The following FRMD5 variants were observed in gnomAD, a reference collection of about 807,000 sequenced individuals.
The protein encoded by FRMD5 is FERM domain containing 5.
Under a neutral mutation model 69.0 loss-of-function variants are expected in FRMD5, and 20 were observed. The ratio of observed to expected loss-of-function variants is 0.29; its 90% CI spans 0.20 to 0.42. The LOEUF (loss-of-function observed/expected upper bound fraction) is 0.42. FRMD5 is among the 10% of genes least tolerant of loss of function. FRMD5 has a pLI of 1.00. For missense variants in FRMD5, 595 were observed against 708.6 expected, an observed-to-expected ratio of 0.84 and a Z score of 1.82; for synonymous variants, 271 against 260.1, an observed-to-expected ratio of 1.04 and a Z score of -0.40.
chr15:44,040,443 C>T (rs1360183001), intron 1 of FRMD5, among the ~76,000 whole-genome samples: 1 of 152,164 alleles, frequency 6.6e-6, no homozygotes, highest in Non-Finnish European at 1.5e-5. Flanking sequence ...CAAATGGAAA[C>T]CCATCAGACT....
At chr15:43,899,437 A>G (rs1344344700) in intron 7 of FRMD5, among the ~76,000 whole-genome samples, 1 of 152,174 alleles carries the variant, frequency 6.6e-6, no homozygotes, top group Non-Finnish European at 1.5e-5. Context: ...CATAGGGTAC[A>G]TAACAACGGG....
intron 1 of FRMD5, among the ~76,000 whole-genome samples, chr15:44,187,785 A>G (rs1479702918): frequency 1.3e-5 from 2 of 152,000 alleles, no homozygotes; most frequent in Admixed American, 1.3e-4. Context: ...CCCAGGATAG[A>G]CTCAAACTCC....
chr15:44,169,787 T>C (rs2077769396), intron 1 of FRMD5, among the ~76,000 whole-genome samples: 1 of 152,176 alleles, frequency 6.6e-6, no homozygotes, highest in Admixed American at 6.5e-5. Flanking sequence ...TTAGACTACC[T>C]GAATATACTT....
At chr15:44,076,957 AT>A (rs1893797630) in intron 1 of FRMD5, among the ~76,000 whole-genome samples, 1 of 151,964 alleles carries the variant, frequency 6.6e-6, no homozygotes, top group Admixed American at 6.6e-5. Context: ...ATTCTCAGAA[AT>A]GCCAGATTCA....
chr15:43,925,595 C>G lies in FRMD5; in HGVS notation c.103-1286G>C, dbSNP rs898310774. Among the ~76,000 whole-genome samples the G allele has an allele frequency of 2.6e-5, 4 of 152,168 alleles. No individual in the cohort carries two copies. In the South Asian group the frequency reaches 6.2e-4, roughly 24 times the overall value. On this transcript the variant is annotated intron_variant, in intron 1 of 13. Coordinates refer to ENST00000417257, the MANE Select transcript of FRMD5 (RefSeq NM_032892.5). ...TGAACATACAATGATCTTTATGTTA[C>G]TCACTTCTCTTAATTCTTGTTGCTC...
At chr15:43,874,570 A>G in intron 13 of FRMD5, 108 bp from the exon 14 acceptor site, 1 of 750,162 alleles carries the variant, frequency 1.3e-6, no homozygotes, top group South Asian at 1.6e-5. Context: ...CCACATGACC[A>G]GCAGCAGTAG....
chr15:43,934,247 G>A (rs2089723013), intron 1 of FRMD5, among the ~76,000 whole-genome samples: 1 of 152,196 alleles, frequency 6.6e-6, no homozygotes, highest in Admixed American at 6.5e-5. Context: ...AGGGAGTTTG[G>A]GGCAGGAGGG....
chr15:44,098,225 C>G (rs904895867), intron 1 of FRMD5, among the ~76,000 whole-genome samples: 15 of 151,906 alleles, frequency 9.9e-5, no homozygotes, highest in African/African-American at 3.6e-4. Context: ...GAAGCATACT[C>G]TCTACTAAAA....
intron 1 of FRMD5, among the ~76,000 whole-genome samples, chr15:44,048,778 G>T (rs1892536519): frequency 6.6e-6 from 1 of 151,990 alleles, no homozygotes; most frequent in African/African-American, 2.4e-5. Context: ...TCGTCATGTT[G>T]GCCAGGCTGG....
At chr15:44,060,052 C>T (rs1268055663) in intron 1 of FRMD5, among the ~76,000 whole-genome samples, 2 of 152,042 alleles carry the variant, frequency 1.3e-5, no homozygotes, top group African/African-American at 2.4e-5. Context: ...AAGGAGAAGA[C>T]AAGAAGGTAA....
chr15:44,037,191 T>C (rs1258931344), intron 1 of FRMD5, among the ~76,000 whole-genome samples: 1 of 152,122 alleles, frequency 6.6e-6, no homozygotes, highest in African/African-American at 2.4e-5. Context: ...CCTGTATTCA[T>C]GTGTTCTCAT....
intron 5 of FRMD5, among the ~76,000 whole-genome samples, chr15:43,906,653 G>C (rs376647556): frequency 6.6e-6 from 1 of 151,858 alleles, no homozygotes; most frequent in African/African-American, 2.4e-5. Context: ...CCAGGCTGGA[G>C]TGCAGTGGTG....
At chr15:44,136,724 T>C (rs78800873) in intron 1 of FRMD5, among the ~76,000 whole-genome samples, 2,244 of 152,320 alleles carry the variant, frequency 0.015, 52 homozygotes, top group African/African-American at 0.051. Context: ...CATGCCATTA[T>C]ATTTCAGTTT....
At chr15:44,091,350 G>A (rs1251640311) in intron 1 of FRMD5, among the ~76,000 whole-genome samples, 4 of 151,516 alleles carry the variant, frequency 2.6e-5, no homozygotes, top group African/African-American at 7.3e-5. Flanking sequence ...AGATATATAT[G>A]CACACACACA....
intron 10 of FRMD5, among the ~76,000 whole-genome samples, chr15:43,886,823 C>G (rs1741766859): frequency 2.0e-5 from 3 of 152,226 alleles, no homozygotes; most frequent in Admixed American, 2.0e-4. Context: ...ACACTGAGGG[C>G]AAGGCCAAAG....
chr15:44,139,298 TACACACAC>T (rs140679752), intron 1 of FRMD5, among the ~76,000 whole-genome samples: 6 of 143,678 alleles, frequency 4.2e-5, no homozygotes, highest in East Asian at 2.0e-4. Flanking sequence ...CCCCTCTCTC[TACACACAC>T]ACACACACAC....
intron 1 of FRMD5, among the ~76,000 whole-genome samples, chr15:43,944,951 A>ATC (rs370705444): frequency 0.059 from 7,861 of 133,720 alleles, 329 homozygotes; most frequent in Admixed American, 0.11. Context: ...AAGTTTATTT[A>ATC]TTTATTTTTT....
intron 1 of FRMD5, among the ~76,000 whole-genome samples, chr15:43,977,843 G>A (rs1430634510): frequency 3.9e-5 from 6 of 152,082 alleles, no homozygotes; most frequent in Non-Finnish European, 8.8e-5. Context: ...AGTACTAACT[G>A]TTGCTAGGGA....
chr15:43,930,716 G>A (rs1406292473), intron 1 of FRMD5, among the ~76,000 whole-genome samples: 1 of 152,254 alleles, frequency 6.6e-6, no homozygotes, highest in Non-Finnish European at 1.5e-5. Flanking sequence ...CAGATGCCAG[G>A]TGCAGTGCTG....
Sources: gnomAD v4.1 joint callset for allele counts (sites outside exome capture counted in the v4.1 genomes callset) on GRCh38, gnomAD v4.1.1 for gene constraint, MANE v1.5 for transcripts, NCBI Gene and HGNC (gene_info 2026-07-23, HGNC 2026-07-21) for gene names.